Variants in FANCB observed in about 807,000 individuals in gnomAD.
The protein encoded by FANCB is FA complementation group B, also known as Fanconi anemia group B protein.
Under a neutral mutation model 38.9 loss-of-function variants are expected in FANCB, and 5 were observed. The observed-to-expected ratio is 0.13, with a 90% confidence interval of 0.07 to 0.27. The LOEUF (loss-of-function observed/expected upper bound fraction) is 0.27. Among genes scored for constraint, FANCB ranks in the 10% least tolerant of loss-of-function variants. FANCB has a pLI of 1.00. For missense variants in FANCB, 573 were observed against 602.7 expected, an observed-to-expected ratio of 0.95 and a Z score of 0.52; for synonymous variants, 236 against 215.4, an observed-to-expected ratio of 1.10 and a Z score of -0.84.
the FANCB span, among the ~76,000 whole-genome samples, chrX:14,701,044 G>C: frequency 9.1e-6 from 1 of 110,283 alleles, no homozygotes; most frequent in Non-Finnish European, 1.9e-5. Context: ...ACAGGATTTT[G>C]AAGGAATCCC....
chrX:14,858,942 C>T (rs1016220395), intron 4 of FANCB, among the ~76,000 whole-genome samples: 1 of 111,345 alleles, frequency 9.0e-6, no homozygotes, highest in Non-Finnish European at 1.9e-5. Flanking sequence ...ACTGCTGTCA[C>T]TTAAGTGACC....
the FANCB span, among the ~76,000 whole-genome samples, chrX:14,726,622 C>T: frequency 8.9e-6 from 1 of 112,308 alleles, no homozygotes; most frequent in Admixed American, 9.4e-5. Flanking sequence ...ATTTATTAAG[C>T]CCCCACAGTT....
At chrX:14,690,378 A>G in the FANCB span, among the ~76,000 whole-genome samples, 5 of 111,758 alleles carry the variant, frequency 4.5e-5, no homozygotes, top group Non-Finnish European at 9.4e-5. Context: ...AAATTGAGCT[A>G]CTTAACATAT....
the FANCB span, among the ~76,000 whole-genome samples, chrX:14,727,155 T>C: frequency 9.0e-6 from 1 of 111,516 alleles, no homozygotes; most frequent in Admixed American, 9.6e-5. Flanking sequence ...TTAGAGTCAC[T>C]GGATCTTTAA....
chrX:14,787,614 C>T, the FANCB span, among the ~76,000 whole-genome samples: 2 of 108,931 alleles, frequency 1.8e-5, no homozygotes, highest in Non-Finnish European at 3.8e-5. Flanking sequence ...CTTTCTATAA[C>T]GTATAAATAG....
At chrX:14,754,799 C>G in the FANCB span, among the ~76,000 whole-genome samples, 1 of 104,031 alleles carries the variant, frequency 9.6e-6, no homozygotes, top group Non-Finnish European at 2.0e-5. Context: ...TCAAACGACG[C>G]AAAAAAAAAA....
the FANCB span, among the ~76,000 whole-genome samples, chrX:14,740,958 ATG>A: frequency 1.8e-5 from 2 of 110,146 alleles, no homozygotes; most frequent in African/African-American, 6.6e-5. Context: ...ACACAAACAC[ATG>A]CACACACACA....
chrX:14,732,935 A>T, the FANCB span, among the ~76,000 whole-genome samples: 3 of 112,100 alleles, frequency 2.7e-5, no homozygotes, highest in South Asian at 1.1e-3. Flanking sequence ...TTGGTGTTTT[A>T]GTCATGAAGT....
chrX:14,701,845 A>G, the FANCB span, among the ~76,000 whole-genome samples: 1 of 112,264 alleles, frequency 8.9e-6, no homozygotes, highest in Non-Finnish European at 1.9e-5. Flanking sequence ...TCAATGTTTA[A>G]ATGAGAAAGA....
At chrX:14,822,203 A>C in the FANCB span, among the ~76,000 whole-genome samples, 70 of 110,356 alleles carry the variant, frequency 6.3e-4, no homozygotes, top group Non-Finnish European at 9.1e-4. Context: ...CAGTGCAAGC[A>C]ACTGTACTTC....
rs2147412147 is a variant in FANCB at position 14,853,175 on chromosome X, G to A, written c.1198-8C>T. 1.7e-6 allele frequency: 2 copies of A among 1,200,890 alleles called. No individual in the cohort carries two copies. The highest frequency in any genetic ancestry group is 2.3e-6 in the Non-Finnish European group (2 of 887,234). On this transcript the variant is annotated splice_region_variant and splice_polypyrimidine_tract_variant and intron_variant, in intron 5 of 9. Coordinates refer to ENST00000650831, the MANE Select transcript of FANCB (RefSeq NM_001018113.3). Reference sequence around the variant, plus strand: ...AAAAGAAGAAAAACAAACCTGTAAAGTAGAAAGAAAAATAGTGGCAAGAAA... The same window carrying A: ...AAAAGAAGAAAAACAAACCTGTAAAATAGAAAGAAAAATAGTGGCAAGAAA...
rs779944907 is a variant in FANCB at position 14,865,348 on chromosome X, T to C, written c.163A>G (p.Lys55Glu). Residue 55 changes from lysine (K) to glutamate (E), a missense_variant, in exon 3 of 10, where the codon AAA (lysine) becomes GAA (glutamate). Physicochemically the swap from Lys to Glu is moderately conservative, Grantham distance 56 (BLOSUM62 1). Coordinates refer to ENST00000650831, the MANE Select transcript of FANCB (RefSeq NM_001018113.3). ...VRRMVFDRGTKVFVQKSTGFF... is the reference protein window; with the variant it reads ...VRRMVFDRGTEVFVQKSTGFF... The stretch of plus-strand genomic sequence containing the variant: ...CCAGTGGACTTCTGAACAAATACTT[T>C]TGTTCCTCTGTCAAATACCATTCTT... 8.4e-7 allele frequency: 1 copy of C among 1,191,619 alleles called. No homozygotes were observed. The highest frequency in any genetic ancestry group is 2.4e-5 in the Admixed American group (1 of 42,042).
the FANCB span, among the ~76,000 whole-genome samples, chrX:14,741,021 T>G: frequency 9.0e-6 from 1 of 110,560 alleles, no homozygotes; most frequent in African/African-American, 3.3e-5. Context: ...AAGTGAGAAA[T>G]TGGAACCTGG....
At chrX:14,770,831 G>A in the FANCB span, among the ~76,000 whole-genome samples, 1 of 111,829 alleles carries the variant, frequency 8.9e-6, no homozygotes, top group African/African-American at 3.3e-5. Flanking sequence ...AAGCCTGGTG[G>A]TGATGAATTC....
At chrX:14,845,567 T>C (rs757163719) in intron 7 of FANCB, among the ~76,000 whole-genome samples, 80 of 111,664 alleles carry the variant, frequency 7.2e-4, no homozygotes, top group African/African-American at 2.3e-3. Flanking sequence ...TTAGGAATGA[T>C]AGTAAGAGAA....
At chrX:14,698,576 G>A in the FANCB span, among the ~76,000 whole-genome samples, 5 of 104,883 alleles carry the variant, frequency 4.8e-5, no homozygotes, top group Admixed American at 5.2e-4. Context: ...AACTCATGAG[G>A]CTGAGGCAGG....
chrX:14,766,790 T>C, the FANCB span, among the ~76,000 whole-genome samples: 895 of 110,766 alleles, frequency 8.1e-3, 5 homozygotes, highest in Middle Eastern at 0.018. Context: ...TCCCATCACC[T>C]AGGTATTAAG....
At chrX:14,746,914 T>C in the FANCB span, among the ~76,000 whole-genome samples, 1 of 111,936 alleles carries the variant, frequency 8.9e-6, no homozygotes, top group Non-Finnish European at 1.9e-5. Flanking sequence ...CGATGGGCCA[T>C]TGTGAGATCC....
At chrX:14,820,951 A>T in the FANCB span, among the ~76,000 whole-genome samples, 5 of 111,459 alleles carry the variant, frequency 4.5e-5, no homozygotes, top group South Asian at 1.9e-3. Context: ...CTTCTTAGGT[A>T]TGTAATACCC....
Sources: allele counts gnomAD v4.1 joint callset (sites outside exome capture counted in the v4.1 genomes callset), GRCh38; gene constraint gnomAD v4.1.1; transcripts MANE v1.5; gene names NCBI Gene and HGNC (gene_info 2026-07-23, HGNC 2026-07-21).